LNPEP: variants seen among roughly 807,000 people sequenced by gnomAD.
LNPEP encodes the protein leucyl and cystinyl aminopeptidase, also known as leucyl-cystinyl aminopeptidase.
A neutral mutation model predicts 120.6 loss-of-function variants in LNPEP; 64 were observed. That is an observed-to-expected ratio of 0.53 (90% CI 0.43 to 0.65). The LOEUF (loss-of-function observed/expected upper bound fraction) is 0.65, where lower values mean the gene tolerates loss of function less well. Among genes scored for constraint, LNPEP ranks in the 30% least tolerant of loss-of-function variants. The pLI is 0.00. For missense variants in LNPEP, 1,057 were observed against 1,200.0 expected (o/e 0.88, Z 1.76); for synonymous variants, 435 against 425.4 (o/e 1.02, Z -0.28).
In LNPEP at chr5:96,979,374, T is replaced by C. The variant is rs3797799; in HGVS notation, c.256T>C (p.Ser86Pro). The C allele has an allele frequency of 2.6e-5, 42 of 1,614,064 alleles. No homozygotes were observed. In the East Asian group the frequency reaches 9.4e-4, roughly 36 times the overall value. Reference sequence around the variant, plus strand: ...GGGCATGTCCTTCATGAATAGAAGCTCAGGCCTTCGGAACAGTGCAACTGG... The same window carrying C: ...GGGCATGTCCTTCATGAATAGAAGCCCAGGCCTTCGGAACAGTGCAACTGG... ...LLGMSFMNRS[S>P]GLRNSATGYR... The change falls in exon 2 of 18, where the codon TCA becomes CCA. Residue 86 changes from serine to proline, a missense_variant. Ser to Pro is a moderately conservative substitution (Grantham distance 74). Coordinates refer to ENST00000231368, the MANE Select transcript of LNPEP (RefSeq NM_005575.3).
Position 96,993,954 on chromosome 5 carries a change from C to T in LNPEP, c.1390C>T (p.His464Tyr), listed in dbSNP as rs1165225079. The change falls in exon 6 of 18, where the codon CAT becomes TAT. Residue 464 changes from histidine to tyrosine, a missense_variant. Transcript: ENST00000231368. ...AAAGCTGGTGACTAAAATCATTGCT[C>T]ATGAGCTGGCCCACCAGGTATTAGC... Reference protein sequence around the residue: ...DRKLVTKIIAHELAHQWFGNL... With the variant: ...DRKLVTKIIAYELAHQWFGNL... 2 of 1,613,754 alleles carry T rather than the reference C, an allele frequency of 1.2e-6. No homozygotes were observed. Among genetic ancestry groups the T allele is most frequent in the Admixed American group, 3.3e-5 (2 of 59,996 alleles).
intron 1 of LNPEP, among the ~76,000 whole-genome samples, chr5:96,946,014 C>G (rs549064305): frequency 6.6e-6 from 1 of 152,070 alleles, no homozygotes; most frequent in Admixed American, 6.5e-5. Context: ...CTATAATTGT[C>G]GGAAGGGCCT....
At chr5:96,960,840 C>G (rs139040522) in intron 1 of LNPEP, among the ~76,000 whole-genome samples, 3 of 151,812 alleles carry the variant, frequency 2.0e-5, no homozygotes, top group African/African-American at 7.3e-5. Context: ...CTGAAACTAT[C>G]TACTATACTG....
chr5:97,009,501 T>G (rs1449713975), intron 11 of LNPEP, among the ~76,000 whole-genome samples: 1 of 152,204 alleles, frequency 6.6e-6, no homozygotes, highest in Non-Finnish European at 1.5e-5. Context: ...TATAAAAATT[T>G]CTAGGAAAAG....
At chr5:96,991,966 A>G (rs957107295) in intron 4 of LNPEP, among the ~76,000 whole-genome samples, 3 of 152,128 alleles carry the variant, frequency 2.0e-5, no homozygotes, top group Non-Finnish European at 4.4e-5. Context: ...TTTATTTTCT[A>G]CTGTGTCTAA....
At chr5:97,017,511 G>A (rs1791094739) in intron 13 of LNPEP, among the ~76,000 whole-genome samples, 1 of 151,772 alleles carries the variant, frequency 6.6e-6, no homozygotes, top group African/African-American at 2.4e-5. Flanking sequence ...CCTACCCCTA[G>A]ATATTCTCTG....
chr5:96,981,287 ATAATC>A (rs1306777981), intron 2 of LNPEP, among the ~76,000 whole-genome samples: 1 of 152,208 alleles, frequency 6.6e-6, no homozygotes, highest in African/African-American at 2.4e-5. Context: ...AAAGGTATAA[ATAATC>A]TAAACATTTA....
At chr5:97,012,353 T>C (rs1790953070) in intron 11 of LNPEP, among the ~76,000 whole-genome samples, 1 of 152,212 alleles carries the variant, frequency 6.6e-6, no homozygotes, top group African/African-American at 2.4e-5. Flanking sequence ...TTATCTCTAC[T>C]CTTCTTTTTC....
rs1218172626 is a variant in LNPEP at position 97,029,503 on chromosome 5, A to T, written c.*970A>T. On this transcript the variant is annotated 3_prime_UTR_variant, in exon 18 of 18. Transcript: ENST00000231368. ...ATAGATCATAGAAACTTTCTCTCTG[A>T]ATCATACCCATGTGTGAATTTTCAT... 6.6e-6 allele frequency: 1 copy of T among 152,372 alleles called. No homozygotes were observed. Among genetic ancestry groups the T allele is most frequent in the Non-Finnish European group, 1.5e-5 (1 of 68,032 alleles). The allele number at this position is 152,372 out of a possible 1,614,324, so 9.4% of individuals were successfully genotyped here.
intron 16 of LNPEP, 135 bp downstream of exon 16, chr5:97,026,892 C>A: frequency 1.5e-6 from 1 of 671,176 alleles, no homozygotes; most frequent in Non-Finnish European, 2.5e-6. Flanking sequence ...TTAACTGAAA[C>A]ATCCGGAAAT....
intron 11 of LNPEP, among the ~76,000 whole-genome samples, chr5:97,012,201 G>A (rs759478189): frequency 2.6e-5 from 4 of 152,148 alleles, no homozygotes; most frequent in Non-Finnish European, 4.4e-5. Flanking sequence ...ATGGAAAAAT[G>A]TGCGGGGGGA....
At chr5:96,997,002 G>T (rs981941811) in intron 7 of LNPEP, among the ~76,000 whole-genome samples, 1 of 151,890 alleles carries the variant, frequency 6.6e-6, no homozygotes, top group Non-Finnish European at 1.5e-5. Flanking sequence ...CCTTTTTAAG[G>T]TACAAACCAC....
Position 96,988,894 on chromosome 5 carries a change from T to A in LNPEP, c.1131+2224T>A, listed in dbSNP as rs535683134. On this transcript the variant is annotated intron_variant, in intron 4 of 17. Coordinates refer to ENST00000231368, the MANE Select transcript of LNPEP (RefSeq NM_005575.3). ...TCCCAAAGTGCTGAGATTACAGGTTTAAACCATACTTCTGGCAAATTCAGC... is the reference window on the plus strand; with the variant it reads ...TCCCAAAGTGCTGAGATTACAGGTTAAAACCATACTTCTGGCAAATTCAGC... Among the ~76,000 whole-genome samples, 3 of 152,238 alleles carry A rather than the reference T, an allele frequency of 2.0e-5. No homozygotes were observed. The East Asian group carries it at 5.8e-4, about 29-fold the overall frequency.
chr5:97,008,838 A>G (rs1489263154), intron 11 of LNPEP, among the ~76,000 whole-genome samples: 5 of 151,088 alleles, frequency 3.3e-5, no homozygotes, highest in Non-Finnish European at 7.4e-5. Flanking sequence ...CTAATTTTTT[A>G]TATTTTTAGT....
chr5:96,989,328 A>T (rs1286079963), intron 4 of LNPEP, among the ~76,000 whole-genome samples: 1 of 21,018 alleles, frequency 4.8e-5, no homozygotes, highest in Non-Finnish European at 8.4e-5. Context: ...TATAATATAT[A>T]ATTATATATA....
At chr5:97,013,316 CTT>C (rs1454091670) in intron 11 of LNPEP, among the ~76,000 whole-genome samples, 3 of 152,092 alleles carry the variant, frequency 2.0e-5, no homozygotes, top group Non-Finnish European at 4.4e-5. Flanking sequence ...TGAATGCTGT[CTT>C]TTCTTTTTCT....
chr5:96,963,647 T>A (rs112411386), intron 1 of LNPEP, among the ~76,000 whole-genome samples: 5,576 of 152,286 alleles, frequency 0.037, 136 homozygotes, highest in Non-Finnish European at 0.053. Context: ...TCTGCTGCAT[T>A]CCATTGATTA....
chr5:96,983,982 C>T (rs1322158292), intron 2 of LNPEP, among the ~76,000 whole-genome samples: 1 of 152,094 alleles, frequency 6.6e-6, no homozygotes, highest in African/African-American at 2.4e-5. Flanking sequence ...AATAATCTTC[C>T]ATCAGAAACC....
chr5:96,953,765 A>C (rs111634532), intron 1 of LNPEP, among the ~76,000 whole-genome samples: 1,786 of 152,334 alleles, frequency 0.012, 22 homozygotes, highest in Non-Finnish European at 0.019. Context: ...ATTTCTAAGA[A>C]GCAAACAAAT....
Sources: gnomAD v4.1 joint callset for allele counts (sites outside exome capture counted in the v4.1 genomes callset) on GRCh38, gnomAD v4.1.1 for gene constraint, MANE v1.5 for transcripts, NCBI Gene and HGNC (gene_info 2026-07-23, HGNC 2026-07-21) for gene names.